Variants in SPAG16 observed in about 807,000 individuals in gnomAD.
SPAG16 encodes sperm-associated antigen 16 protein.
In SPAG16, 86 loss-of-function variants were observed where a neutral mutation model predicts 80.4. The observed-to-expected ratio is 1.07, with a 90% CI of 0.90 to 1.28. SPAG16 has a LOEUF of 1.28. Among genes scored for constraint, SPAG16 ranks in the 50% most tolerant of loss-of-function variants. SPAG16 has a pLI of 0.00. For missense variants in SPAG16, 870 were observed against 765.3 expected (o/e 1.14, Z -1.61); for synonymous variants, 294 against 265.9 (o/e 1.11, Z -1.03).
intron 15 of SPAG16, among the ~76,000 whole-genome samples, chr2:214,181,310 T>C (rs1427929355): frequency 6.6e-6 from 1 of 151,656 alleles, no homozygotes; most frequent in Non-Finnish European, 1.5e-5. Flanking sequence ...CATGATGTAA[T>C]GAACAGAGAA....
intron 7 of SPAG16, among the ~76,000 whole-genome samples, chr2:213,353,140 AC>A (rs1344664846): frequency 6.6e-6 from 1 of 152,088 alleles, no homozygotes; most frequent in Non-Finnish European, 1.5e-5. Context: ...GGTACATGAA[AC>A]CTGGATAGTT....
At chr2:213,815,134 G>A (rs1479829475) in intron 10 of SPAG16, among the ~76,000 whole-genome samples, 2 of 152,004 alleles carry the variant, frequency 1.3e-5, no homozygotes, top group African/African-American at 2.4e-5. Context: ...GGGCAATCAA[G>A]TTTCAATAAA....
intron 10 of SPAG16, among the ~76,000 whole-genome samples, chr2:213,632,906 A>G (rs1466835577): frequency 1.3e-5 from 2 of 152,156 alleles, no homozygotes; most frequent in East Asian, 1.9e-4. Context: ...ATCAATATTC[A>G]TCAGAGATAT....
chr2:214,069,093 G>T (rs1482827065), intron 13 of SPAG16, among the ~76,000 whole-genome samples: 1 of 151,928 alleles, frequency 6.6e-6, no homozygotes, highest in Admixed American at 6.6e-5. Context: ...ATATAGTTTT[G>T]CCCTTCCACA....
At chr2:213,999,193 T>C (rs2046672385) in intron 12 of SPAG16, among the ~76,000 whole-genome samples, 1 of 152,136 alleles carries the variant, frequency 6.6e-6, no homozygotes, top group South Asian at 2.1e-4. Context: ...CATCACAGGC[T>C]AGGAGGCTTA....
Position 214,149,229 on chromosome 2 carries a change from T to C in SPAG16, c.1683T>C (p.Gly561=). The change falls in exon 15 of 16, where the codon GGT becomes GGC. Residue 561 remains glycine, a synonymous_variant. Transcript: ENST00000331683. ...TACCAATTGTGTCCATCGATATAGG[T>C]CCAAGTCCTGGCAATGAGGTGAATT... ...KLLPIVSIDI[G]PSPGNEVNFD... 6.3e-7 allele frequency: 1 copy of C among 1,595,966 alleles called. No homozygotes were observed. The highest frequency in any genetic ancestry group is 8.5e-7 in the Non-Finnish European group (1 of 1,170,954).
chr2:213,832,817 T>G (rs1247661607), intron 10 of SPAG16, among the ~76,000 whole-genome samples: 1 of 152,142 alleles, frequency 6.6e-6, no homozygotes, highest in Non-Finnish European at 1.5e-5. Context: ...CCCTCACGTA[T>G]GTAAATCTTC....
intron 15 of SPAG16, among the ~76,000 whole-genome samples, chr2:214,165,130 A>G (rs916414055): frequency 6.6e-6 from 1 of 152,132 alleles, no homozygotes; most frequent in Non-Finnish European, 1.5e-5. Flanking sequence ...CCTGACAGAC[A>G]TAAGTTTTAT....
intron 10 of SPAG16, among the ~76,000 whole-genome samples, chr2:213,713,148 T>C (rs1028893140): frequency 3.3e-5 from 5 of 152,158 alleles, no homozygotes; most frequent in African/African-American, 1.2e-4. Flanking sequence ...CCCCATGATC[T>C]AATCACCTCC....
At chr2:214,186,751 G>GT (rs902725096) in intron 15 of SPAG16, among the ~76,000 whole-genome samples, 2 of 151,502 alleles carry the variant, frequency 1.3e-5, no homozygotes. Flanking sequence ...GCAAGTAGTT[G>GT]TTTTTTTGTT....
In SPAG16 at chr2:213,886,392, G is replaced by A. The variant is rs74823256; in HGVS notation, c.1214+23764G>A. Reference sequence around the variant, plus strand: ...TGGTGGCGGGTAGAATGAGCAGCTAGAGAAAGAGGGGCATTAAGCAGGAAT... The same window carrying A: ...TGGTGGCGGGTAGAATGAGCAGCTAAAGAAAGAGGGGCATTAAGCAGGAAT... On this transcript the variant is annotated intron_variant, in intron 11 of 15. Transcript: ENST00000331683. Among the ~76,000 whole-genome samples the A allele has an allele frequency of 7.3e-3, 1,114 of 152,126 alleles. 16 individuals are homozygous for A. The highest frequency in any genetic ancestry group is 0.025 in the African/African-American group (1,056 of 41,512).
chr2:213,723,840 G>C (rs987181849), intron 10 of SPAG16, among the ~76,000 whole-genome samples: 3 of 152,148 alleles, frequency 2.0e-5, no homozygotes, highest in Non-Finnish European at 4.4e-5. Flanking sequence ...GGGATATCCT[G>C]TCTAGATCAT....
At chr2:213,959,280 T>C (rs2044296919) in intron 12 of SPAG16, among the ~76,000 whole-genome samples, 2 of 152,240 alleles carry the variant, frequency 1.3e-5, no homozygotes, top group South Asian at 4.1e-4. Context: ...CTCGGGTGTT[T>C]ATATTCCTGT....
At chr2:213,371,174 C>A (rs1192577988) in intron 8 of SPAG16, among the ~76,000 whole-genome samples, 2 of 151,904 alleles carry the variant, frequency 1.3e-5, no homozygotes, top group South Asian at 4.2e-4. Flanking sequence ...TTTGGGAAGC[C>A]GACGCAGGCG....
At chr2:214,077,511 A>AT (rs1379869571) in intron 13 of SPAG16, among the ~76,000 whole-genome samples, 1 of 152,138 alleles carries the variant, frequency 6.6e-6, no homozygotes, top group Non-Finnish European at 1.5e-5. Context: ...CTTTTCACTG[A>AT]TTTTCCCAGC....
At chr2:213,339,007 A>C (rs2064533344) in intron 5 of SPAG16, among the ~76,000 whole-genome samples, 1 of 139,108 alleles carries the variant, frequency 7.2e-6, no homozygotes. Context: ...CACAACTTGC[A>C]CCTGTGCCCC....
intron 11 of SPAG16, among the ~76,000 whole-genome samples, chr2:213,921,463 A>G (rs757988255): frequency 3.9e-5 from 6 of 152,142 alleles, no homozygotes; most frequent in Non-Finnish European, 5.9e-5. Flanking sequence ...ACAGCATACT[A>G]TTGGGTCTTC....
At chr2:214,308,215 C>T (rs1695049785) in intron 15 of SPAG16, among the ~76,000 whole-genome samples, 1 of 152,096 alleles carries the variant, frequency 6.6e-6, no homozygotes, top group African/African-American at 2.4e-5. Flanking sequence ...GCAACTCCTC[C>T]TTTTGTCTGT....
chr2:213,872,113 G>C (rs912874185), intron 11 of SPAG16, among the ~76,000 whole-genome samples: 2 of 152,100 alleles, frequency 1.3e-5, no homozygotes, highest in African/African-American at 2.4e-5. Context: ...TTTAAGATAA[G>C]GAGATTATCT....
Sources: gnomAD v4.1 joint callset for allele counts (sites outside exome capture counted in the v4.1 genomes callset) on GRCh38, gnomAD v4.1.1 for gene constraint, MANE v1.5 for transcripts, NCBI Gene and HGNC (gene_info 2026-07-23, HGNC 2026-07-21) for gene names.